Variants in SUSD6 observed in about 807,000 individuals in gnomAD.
SUSD6 encodes sushi domain-containing protein 6.
SUSD6 carries 16 observed loss-of-function variants against 28.4 expected under a neutral mutation model. The observed-to-expected ratio is 0.56, with a 90% confidence interval of 0.38 to 0.86. The LOEUF is 0.86. Among genes scored for constraint, SUSD6 ranks in the 40% least tolerant of loss-of-function variants. The pLI, the probability that SUSD6 is intolerant of heterozygous loss-of-function variation, is 0.00. For synonymous variants in SUSD6, 147 were observed against 159.6 expected (o/e 0.92, Z 0.59); for missense variants, 341 against 384.2 (o/e 0.89, Z 0.94).
chr14:69,649,023 T>C (rs1356433872), intron 1 of SUSD6, among the ~76,000 whole-genome samples: 1 of 152,208 alleles, frequency 6.6e-6, no homozygotes, highest in Admixed American at 6.5e-5. Flanking sequence ...ACTCAAAGCT[T>C]TCTCTTTCAC....
chr14:69,629,386 G>A (rs1471179665), intron 1 of SUSD6, among the ~76,000 whole-genome samples: 1 of 152,124 alleles, frequency 6.6e-6, no homozygotes, highest in Non-Finnish European at 1.5e-5. Context: ...TTATAGACTG[G>A]CCTGTACTCT....
chr14:69,677,863 C>T (rs74060270), intron 2 of SUSD6, among the ~76,000 whole-genome samples: 5,834 of 152,150 alleles, frequency 0.038, 365 homozygotes, highest in African/African-American at 0.13. Flanking sequence ...ATACTATAGG[C>T]GAAAAGAATT....
chr14:69,624,694 A>C (rs972115622), intron 1 of SUSD6, among the ~76,000 whole-genome samples: 5 of 152,106 alleles, frequency 3.3e-5, no homozygotes, highest in African/African-American at 1.2e-4. Flanking sequence ...ACCTCAGGTG[A>C]TCCACCTGCC....
At position 69,704,714 on chromosome 14, in the gene SUSD6, C is replaced by G; in HGVS notation, c.430C>G (p.Pro144Ala). ...CGTGGTGCTGTTTGTGCTGCTGCAG[C>G]CAAAGCTGAAGTCTTTCCATCATAG... ...LLVVLFVLLQ[P>A]KLKSFHHSRR... Residue 144 changes from proline to alanine, a missense_variant, in exon 4 of 6, where the codon CCA (proline) becomes GCA (alanine). Coordinates refer to ENST00000342745, the MANE Select transcript of SUSD6 (RefSeq NM_014734.4). 2 of 1,614,110 alleles carry G rather than the reference C, an allele frequency of 1.2e-6. No individual in the cohort carries two copies. The highest frequency in any genetic ancestry group is 8.5e-7 in the Non-Finnish European group (1 of 1,180,004).
chr14:69,651,050 TC>T (rs1885496983), intron 1 of SUSD6, among the ~76,000 whole-genome samples: 1 of 151,930 alleles, frequency 6.6e-6, no homozygotes, highest in South Asian at 2.1e-4. Context: ...CCCCTCCTAT[TC>T]CCTAGAAGAC....
In SUSD6 at chr14:69,711,046, G is replaced by A. The variant is rs1886455072; in HGVS notation, c.*67G>A. ...CCTTCCTCCCTCTCCCTGTGGGATT[G>A]AGCACCCTGTACTCTCCAGCCACCT... On this transcript the variant is annotated 3_prime_UTR_variant, in exon 6 of 6. Transcript: ENST00000342745. The A allele has an allele frequency of 2.0e-6, 3 of 1,508,440 alleles. No homozygotes were observed. The Admixed American group carries it at 5.0e-5, about 25-fold the overall frequency. The allele number at this position is 1,508,440 out of a possible 1,614,324, so 93.4% of individuals were successfully genotyped here.
chr14:69,680,257 C>T (rs1375710223), intron 2 of SUSD6, among the ~76,000 whole-genome samples: 2 of 152,136 alleles, frequency 1.3e-5, no homozygotes, highest in East Asian at 3.8e-4. Context: ...GAGTTTCTGT[C>T]AAGGCATCAG....
intron 2 of SUSD6, among the ~76,000 whole-genome samples, chr14:69,689,172 T>C (rs1033834319): frequency 5.3e-5 from 8 of 152,208 alleles, no homozygotes; most frequent in Non-Finnish European, 1.0e-4. Context: ...ACAATCTTCT[T>C]TGGTCTCTTC....
rs1229198003 is a variant in SUSD6 at position 69,611,806 on chromosome 14, C to T, written c.-103C>T. The T allele has an allele frequency of 2.0e-5, 3 of 151,664 alleles. No homozygotes were observed. The highest frequency in any genetic ancestry group is 2.9e-5 in the Non-Finnish European group (2 of 67,860). 9.4% of individuals were successfully genotyped at this position (151,664 alleles called of 1,614,324 possible). A position where few individuals can be genotyped will look rare whatever the true frequency, so the allele number is the denominator to read the frequency against. The stretch of plus-strand genomic sequence containing the variant: ...GTGGAAGCTGTGAGCGCCCCCATCC[C>T]GGAGGTCTCCGCCGGCTCCCGGGTG... On this transcript the variant is annotated 5_prime_UTR_variant, in exon 1 of 6. Coordinates refer to ENST00000342745, the MANE Select transcript of SUSD6 (RefSeq NM_014734.4).
At chr14:69,674,713 T>C (rs936264233) in intron 2 of SUSD6, among the ~76,000 whole-genome samples, 1 of 152,104 alleles carries the variant, frequency 6.6e-6, no homozygotes, top group South Asian at 2.1e-4. Flanking sequence ...GGTGTTTGTA[T>C]TGGCAAGCCA....
intron 2 of SUSD6, among the ~76,000 whole-genome samples, chr14:69,662,409 G>C (rs766481125): frequency 2.0e-5 from 3 of 152,184 alleles, no homozygotes; most frequent in Non-Finnish European, 2.9e-5. Flanking sequence ...GAGTTCTGGA[G>C]TAAAATTACA....
At chr14:69,706,865 C>T (rs1018291766) in intron 4 of SUSD6, among the ~76,000 whole-genome samples, 1 of 152,182 alleles carries the variant, frequency 6.6e-6, no homozygotes, top group African/African-American at 2.4e-5. Context: ...ATAATATGGT[C>T]TAGCAGCAGA....
chr14:69,667,989 C>T (rs1227343279), intron 2 of SUSD6, among the ~76,000 whole-genome samples: 1 of 152,192 alleles, frequency 6.6e-6, no homozygotes, highest in Non-Finnish European at 1.5e-5. Flanking sequence ...AAAGGTACTC[C>T]ATAGGTGGGT....
intron 2 of SUSD6, among the ~76,000 whole-genome samples, chr14:69,687,100 G>A (rs1886084647): frequency 6.6e-6 from 1 of 151,918 alleles, no homozygotes; most frequent in African/African-American, 2.4e-5. Flanking sequence ...TCAGCCTCCC[G>A]AGTAGCTGGG....
chr14:69,669,866 G>A (rs1338360378), intron 2 of SUSD6, among the ~76,000 whole-genome samples: 2 of 151,570 alleles, frequency 1.3e-5, no homozygotes, highest in African/African-American at 4.9e-5. Context: ...CTCTTGGGAG[G>A]ATGTCAGACA....
chr14:69,651,371 A>G (rs1002603446), intron 1 of SUSD6, among the ~76,000 whole-genome samples: 8 of 152,214 alleles, frequency 5.3e-5, no homozygotes, highest in African/African-American at 1.7e-4. Flanking sequence ...CGCAGGGAAT[A>G]TCAAAGCAAT....
At chr14:69,663,518 C>T (rs1885693029) in intron 2 of SUSD6, among the ~76,000 whole-genome samples, 3 of 152,122 alleles carry the variant, frequency 2.0e-5, no homozygotes, top group South Asian at 2.1e-4. Flanking sequence ...GAAGGACCCT[C>T]GAGTCAGAGA....
At chr14:69,643,632 T>G (rs1885384839) in intron 1 of SUSD6, among the ~76,000 whole-genome samples, 1 of 152,208 alleles carries the variant, frequency 6.6e-6, no homozygotes, top group South Asian at 2.1e-4. Flanking sequence ...GCTGTCTGCC[T>G]ATTCATGAGT....
chr14:69,697,072 C>T (rs188330724), intron 2 of SUSD6, among the ~76,000 whole-genome samples: 1 of 152,324 alleles, frequency 6.6e-6, no homozygotes, highest in African/African-American at 2.4e-5. Context: ...ATTCCTGGAA[C>T]TGAGGGTTCC....
Sources: allele counts gnomAD v4.1 joint callset (sites outside exome capture counted in the v4.1 genomes callset), GRCh38; gene constraint gnomAD v4.1.1; transcripts MANE v1.5; gene names NCBI Gene and HGNC (gene_info 2026-07-23, HGNC 2026-07-21).